Variants in UBL3 observed in about 807,000 individuals in gnomAD.
UBL3 encodes ubiquitin like 3, also known as ubiquitin-like protein 3.
In UBL3, 6 loss-of-function variants were observed where a neutral mutation model predicts 18.4. The ratio of observed to expected loss-of-function variants is 0.33; its 90% CI spans 0.18 to 0.64. UBL3 has a LOEUF of 0.64. Ranked by LOEUF, UBL3 falls within the 30% of genes least tolerant of loss-of-function variation. The pLI, the probability that UBL3 is intolerant of heterozygous loss-of-function variation, is 0.76. For synonymous variants in UBL3, 49 were observed against 46.6 expected, an observed-to-expected ratio of 1.05 and a Z score of -0.21; for missense variants, 109 against 142.9, an observed-to-expected ratio of 0.76 and a Z score of 1.21.
intron 1 of UBL3, among the ~76,000 whole-genome samples, chr13:29,839,634 T>G (rs897351732): frequency 6.6e-6 from 1 of 151,896 alleles, no homozygotes; most frequent in Non-Finnish European, 1.5e-5. Flanking sequence ...CTTAAAAAGA[T>G]TTTAAAAAAT....
intron 1 of UBL3, among the ~76,000 whole-genome samples, chr13:29,828,425 T>C (rs994468213): frequency 6.6e-6 from 1 of 152,216 alleles, no homozygotes; most frequent in Non-Finnish European, 1.5e-5. Context: ...TTTCATTCAT[T>C]TGATCTTCAA....
chr13:29,831,575 C>T (rs532044788), intron 1 of UBL3, among the ~76,000 whole-genome samples: 48 of 128,054 alleles, frequency 3.7e-4, no homozygotes, highest in Admixed American at 1.2e-3. Flanking sequence ...GCAACAAGAG[C>T]AAAACTCCGT....
chr13:29,818,934 G>C (rs1395392023), intron 1 of UBL3, among the ~76,000 whole-genome samples: 1 of 151,958 alleles, frequency 6.6e-6, no homozygotes. Context: ...ATAATATTAG[G>C]TAATTGCTGC....
At chr13:29,782,527 T>C (rs1877203355) in intron 1 of UBL3, among the ~76,000 whole-genome samples, 1 of 152,158 alleles carries the variant, frequency 6.6e-6, no homozygotes, top group African/African-American at 2.4e-5. Flanking sequence ...TGTTTATAGG[T>C]GGGTATGAAT....
rs372461918 is a variant in UBL3 at position 29,850,307 on chromosome 13, G to C, written c.-769C>G. On this transcript the variant is annotated 5_prime_UTR_variant, in exon 1 of 5. Coordinates refer to ENST00000380680, the MANE Select transcript of UBL3 (RefSeq NM_007106.4). The stretch of plus-strand genomic sequence containing the variant: ...CGCCTCCGGACAGCAGCTGGGGTCG[G>C]GGCGCATCGTCTCCGGCTCCTCGCC... The C allele has an allele frequency of 6.5e-6, 1 of 153,086 alleles. No homozygotes were observed. Among genetic ancestry groups the C allele is most frequent in the Admixed American group, 6.6e-5 (1 of 15,258 alleles). 9.5% of individuals were successfully genotyped at this position (153,086 alleles called of 1,614,324 possible). A position where few individuals can be genotyped will look rare whatever the true frequency, so the allele number is the denominator to read the frequency against.
intron 1 of UBL3, among the ~76,000 whole-genome samples, chr13:29,823,980 A>C (rs1353525114): frequency 2.6e-5 from 4 of 151,488 alleles, no homozygotes; most frequent in African/African-American, 9.7e-5. Flanking sequence ...TCCTTGCGAT[A>C]GTTTGCTGAG....
At chr13:29,814,614 T>A (rs1307621412) in intron 1 of UBL3, among the ~76,000 whole-genome samples, 1 of 152,066 alleles carries the variant, frequency 6.6e-6, no homozygotes, top group African/African-American at 2.4e-5. Flanking sequence ...AAGGGCCTAT[T>A]ATAAAGTTGA....
At chr13:29,836,802 T>C (rs1191323138) in intron 1 of UBL3, among the ~76,000 whole-genome samples, 1 of 152,180 alleles carries the variant, frequency 6.6e-6, no homozygotes, top group Non-Finnish European at 1.5e-5. Context: ...ACTTTTCCTC[T>C]CCAGGAATGT....
chr13:29,765,928 C>T lies in UBL3; in HGVS notation c.*1327G>A, dbSNP rs1004322965. On this transcript the variant is annotated 3_prime_UTR_variant, in exon 5 of 5. Coordinates refer to ENST00000380680, the MANE Select transcript of UBL3 (RefSeq NM_007106.4). ...GCCTGCAACTTCATTTTTATAAAGG[C>T]TAAACTTATTTATATGGAATATTGT... The T allele has an allele frequency of 1.3e-5, 2 of 152,464 alleles. No individual in the cohort carries two copies. The highest frequency in any genetic ancestry group is 2.9e-5 in the Non-Finnish European group (2 of 67,976). The allele number at this position is 152,464 out of a possible 1,614,324, so 9.4% of individuals were successfully genotyped here. A position where few individuals can be genotyped will look rare whatever the true frequency, so the allele number is the denominator to read the frequency against.
intron 1 of UBL3, among the ~76,000 whole-genome samples, chr13:29,831,025 ATT>A (rs913266963): frequency 1.3e-5 from 2 of 148,474 alleles, no homozygotes; most frequent in Non-Finnish European, 3.0e-5. Flanking sequence ...ACAATCCAGC[ATT>A]TTTTTTTTCT....
chr13:29,799,213 C>T (rs927255064), intron 1 of UBL3, among the ~76,000 whole-genome samples: 1 of 152,188 alleles, frequency 6.6e-6, no homozygotes, highest in African/African-American at 2.4e-5. Flanking sequence ...CTTCCCCTTC[C>T]CCCTGCCCCC....
intron 1 of UBL3, among the ~76,000 whole-genome samples, chr13:29,794,165 T>A (rs1877549833): frequency 1.3e-5 from 2 of 152,148 alleles, no homozygotes; most frequent in South Asian, 4.1e-4. Context: ...TTATCTTATT[T>A]TCAGAATAGT....
chr13:29,834,458 T>C (rs1878867772), intron 1 of UBL3, among the ~76,000 whole-genome samples: 1 of 152,064 alleles, frequency 6.6e-6, no homozygotes, highest in South Asian at 2.1e-4. Flanking sequence ...GAAAAATCAC[T>C]CACAATAATT....
intron 1 of UBL3, among the ~76,000 whole-genome samples, chr13:29,842,144 TTTTTTTTTTTTTTTA>T (rs1450706190): frequency 3.7e-5 from 1 of 27,184 alleles, no homozygotes; most frequent in Non-Finnish European, 1.3e-4. Context: ...CTTTTTTTTT[TTTTTTTTTTTTTTTA>T]GAGACAGAGT....
chr13:29,809,084 C>A (rs1196395509), intron 1 of UBL3, among the ~76,000 whole-genome samples: 1 of 152,110 alleles, frequency 6.6e-6, no homozygotes, highest in Non-Finnish European at 1.5e-5. Context: ...CTACTGGGTA[C>A]ACATGATGTA....
At chr13:29,778,563 C>G (rs1424268920) in intron 1 of UBL3, among the ~76,000 whole-genome samples, 1 of 152,010 alleles carries the variant, frequency 6.6e-6, no homozygotes, top group Non-Finnish European at 1.5e-5. Flanking sequence ...TTGAATTGTG[C>G]CAGGTCCCAG....
chr13:29,789,361 T>A (rs1053264644), intron 1 of UBL3, among the ~76,000 whole-genome samples: 1 of 152,204 alleles, frequency 6.6e-6, no homozygotes, highest in African/African-American at 2.4e-5. Context: ...ATGTATTTTA[T>A]CACAATTTAA....
chr13:29,825,363 C>A (rs1198731796), intron 1 of UBL3, among the ~76,000 whole-genome samples: 3 of 152,134 alleles, frequency 2.0e-5, no homozygotes, highest in East Asian at 3.8e-4. Flanking sequence ...TTGCTTGTGT[C>A]CTCTTTTATT....
At chr13:29,836,916 T>C (rs1160104509) in intron 1 of UBL3, among the ~76,000 whole-genome samples, 1 of 152,202 alleles carries the variant, frequency 6.6e-6, no homozygotes, top group African/African-American at 2.4e-5. Context: ...ATACCTGAAA[T>C]TCAGGACTTG....
Sources: gnomAD v4.1 joint callset for allele counts (sites outside exome capture counted in the v4.1 genomes callset) on GRCh38, gnomAD v4.1.1 for gene constraint, MANE v1.5 for transcripts, NCBI Gene and HGNC (gene_info 2026-07-23, HGNC 2026-07-21) for gene names.